Variants in GPR108 observed in about 807,000 individuals in gnomAD.
The protein encoded by GPR108 is G protein-coupled receptor 108.
A neutral mutation model predicts 74.3 loss-of-function variants in GPR108; 60 were observed. That is an observed-to-expected ratio of 0.81 (90% confidence interval 0.66 to 1.00). The LOEUF (loss-of-function observed/expected upper bound fraction) is 1.00. Ranked by LOEUF, GPR108 falls within the 50% of genes least tolerant of loss-of-function variation. GPR108 has a pLI of 0.00. For missense variants in GPR108, 667 were observed against 703.3 expected (o/e 0.95, Z 0.58); for synonymous variants, 311 against 292.4 (o/e 1.06, Z -0.65).
In GPR108 at chr19:6,734,226, C is replaced by T; in HGVS notation, c.456G>A (p.Gly152=). 1.9e-6 allele frequency: 3 copies of T among 1,614,182 alleles called. No homozygotes were observed. The highest frequency in any genetic ancestry group is 2.5e-6 in the Non-Finnish European group (3 of 1,180,032). The change falls in exon 5 of 18, where the codon GGG becomes GGA. Residue 152 remains glycine (G), a synonymous_variant. Coordinates refer to ENST00000264080, the MANE Select transcript of GPR108 (RefSeq NM_001080452.2). ...GGACTGTGGCCTGTGGCTTCGGGAG[C>T]CCTGGTTTGGAGGGTGCTTCCGGGA... ...GLLPEAPSKP[G]LPKPQATVPR...
chr19:6,732,047 C>A lies in GPR108; in HGVS notation c.1234G>T (p.Ala412Ser), dbSNP rs1438658117. The change falls in exon 13 of 18, where the codon GCC becomes TCC. Residue 412 changes from alanine to serine, a missense_variant. Physicochemically the swap from Ala to Ser is moderately conservative, Grantham distance 99. Coordinates refer to ENST00000264080, the MANE Select transcript of GPR108 (RefSeq NM_001080452.2). Reference protein sequence around the residue: ...LFLVDLICCGAILFPVVWSIR... With the variant: ...LFLVDLICCGSILFPVVWSIR... ...CACCAGACTACGGGGAACAGGATGG[C>A]ACCACAGCAGATGAGGTCCACCAGG... 1.9e-6 allele frequency: 3 copies of A among 1,613,960 alleles called. No individual in the cohort carries two copies. In the South Asian group the frequency reaches 3.3e-5, roughly 18 times the overall value.
chr19:6,737,400 G>A (rs1184779853), intron 1 of GPR108, 57 bp downstream of exon 1: 39 of 1,556,148 alleles, frequency 2.5e-5, no homozygotes, highest in Non-Finnish European at 3.1e-5. Flanking sequence ...AAGCCAGGGG[G>A]CTTCTCCGAG....
At chr19:6,732,833 G>A in intron 10 of GPR108, 154 bp downstream of exon 10, 1 of 688,122 alleles carries the variant, frequency 1.5e-6, no homozygotes, top group South Asian at 1.7e-5. Flanking sequence ...GTGGACAGAG[G>A]GGATGGGTGA....
Position 6,731,235 on chromosome 19 carries a change from C to G in GPR108, c.1398G>C (p.Gln466His). ...ACTGCCACTGAAAGGGCACAGCCAC[C>G]TGCAGCAGGATGGCGATGATGCGGG... Reference protein sequence around the residue: ...YFTRIIAILLQVAVPFQWQWL... With the variant: ...YFTRIIAILLHVAVPFQWQWL... The change falls in exon 16 of 18, where the codon CAG (glutamine) becomes CAC (histidine). Residue 466 changes from glutamine to histidine, a missense_variant. Physicochemically the swap from Gln to His is conservative, Grantham distance 24 (BLOSUM62 0). Coordinates refer to ENST00000264080, the MANE Select transcript of GPR108 (RefSeq NM_001080452.2). 2 of 1,566,538 alleles carry G rather than the reference C, an allele frequency of 1.3e-6. No individual in the cohort carries two copies. The highest frequency in any genetic ancestry group is 1.7e-6 in the Non-Finnish European group (2 of 1,153,738).
rs756064768 is a variant in GPR108, at chr19:6,731,538, G to C, written c.1301-16C>G. ...TTCACTGCCACTGAGGGTGGGCACA[G>C]AGAGGGCGGTCAGGGGAGACTGAGG... On this transcript the variant is annotated splice_polypyrimidine_tract_variant and intron_variant, in intron 14 of 17. Transcript: ENST00000264080. The C allele has an allele frequency of 6.7e-7, 1 of 1,488,582 alleles. No individual in the cohort carries two copies. Among genetic ancestry groups the C allele is most frequent in the Admixed American group, 2.4e-5 (1 of 41,566 alleles). The allele number at this position is 1,488,582 out of a possible 1,614,324, so 92.2% of individuals were successfully genotyped here. A position where few individuals can be genotyped will look rare whatever the true frequency, so the allele number is the denominator to read the frequency against.
chr19:6,732,124 T>C lies in GPR108; in HGVS notation c.1157A>G (p.Glu386Gly). Residue 386 changes from glutamate to glycine, a missense_variant, in exon 13 of 18, where the codon GAG becomes GGG. Coordinates refer to ENST00000264080, the MANE Select transcript of GPR108 (RefSeq NM_001080452.2). ...GTCGCTGGCGCCTTCCTCGCGGGAC[T>C]CGATGATGATGTAGGCCACGTTGGC... is the stretch of plus-strand genomic sequence containing the variant. Reference protein sequence around the residue: ...VLANVAYIIIESREEGASDYV... With the variant: ...VLANVAYIIIGSREEGASDYV... 1 of 1,613,758 alleles carries C rather than the reference T, an allele frequency of 6.2e-7. No individual in the cohort carries two copies. Among genetic ancestry groups the C allele is most frequent in the Non-Finnish European group, 8.5e-7 (1 of 1,179,984 alleles).
chr19:6,732,160 G>A lies in GPR108; in HGVS notation c.1126-5C>T, dbSNP rs1302041903. ...GTAGGCCACGTTGGCCAGGACCTGCGCAGGCGGCGGGGGTGGGTGGGCACT... is the reference window on the plus strand; with the variant it reads ...GTAGGCCACGTTGGCCAGGACCTGCACAGGCGGCGGGGGTGGGTGGGCACT... On this transcript the variant is annotated splice_region_variant and splice_polypyrimidine_tract_variant and intron_variant, in intron 12 of 17. Transcript: ENST00000264080. 5 of 1,613,386 alleles carry A rather than the reference G, an allele frequency of 3.1e-6. No individual in the cohort carries two copies. The highest frequency in any genetic ancestry group is 2.2e-5 in the South Asian group (2 of 91,076).
At position 6,736,634 on chromosome 19, in the gene GPR108, G is replaced by A; in HGVS notation, c.198C>T (p.Val66=). Reference sequence around the variant, plus strand: ...CTGCCTCCCGGAGGCCCAGCCGCAGGACGCTCAACTCCACCTCCAGAGAGC... The same window carrying A: ...CTGCCTCCCGGAGGCCCAGCCGCAGAACGCTCAACTCCACCTCCAGAGAGC... ...TNGSLEVELS[V]LRLGLREAEE... is the part of the protein sequence containing the mutation. The change falls in exon 2 of 18, where the codon GTC becomes GTT. Residue 66 remains valine, a synonymous_variant. Coordinates refer to ENST00000264080, the MANE Select transcript of GPR108 (RefSeq NM_001080452.2). 6.2e-7 allele frequency: 1 copy of A among 1,614,086 alleles called. No homozygotes were observed. The highest frequency in any genetic ancestry group is 1.3e-5 in the African/African-American group (1 of 75,038).
rs746951786 is a variant in GPR108 at position 6,734,338 on chromosome 19, T to TG, written c.375-32dup. 1.8e-5 allele frequency: 29 copies of TG among 1,604,632 alleles called. No homozygotes were observed. In the East Asian group the frequency reaches 2.0e-4, roughly 11 times the overall value. On this transcript the variant is annotated intron_variant, in intron 4 of 17. Coordinates refer to ENST00000264080, the MANE Select transcript of GPR108 (RefSeq NM_001080452.2). The stretch of plus-strand genomic sequence containing the variant: ...GTGAGGGTGGGGTGGGGCATGAGGC[T>TG]GGGGGGCTGAACTTGGCTCAGGCAC...
Position 6,733,991 on chromosome 19 carries a change from C to T in GPR108, c.549+14G>A, listed in dbSNP as rs202106126. 7.0e-5 allele frequency: 113 copies of T among 1,614,124 alleles called. No homozygotes were observed. The East Asian group carries it at 8.2e-4, about 12-fold the overall frequency. On this transcript the variant is annotated intron_variant, in intron 6 of 17. Transcript: ENST00000264080. ...GGGGTGTGCATCTTCCCTCCTGCCC[C>T]GCCTCCCCGAAACCTGAATCACTGC...
chr19:6,735,369 C>G (rs759843907), intron 4 of GPR108: 1 of 458,656 alleles, frequency 2.2e-6, no homozygotes, highest in Non-Finnish European at 3.9e-6. Flanking sequence ...CGGAAGCACT[C>G]AACATGTGCG....
In GPR108 at chr19:6,731,211, C is replaced by T. The variant is rs776464891; in HGVS notation, c.1422G>A (p.Gln474=). The part of the protein sequence containing the change: ...LLQVAVPFQW[Q]WLYQLLVEGS... ...GCCTCGGGCTCACCTGGTACAGCCA[C>T]TGCCACTGAAAGGGCACAGCCACCT... Residue 474 remains glutamine (Q), a synonymous_variant, in exon 16 of 18, where the codon CAG becomes CAA. Transcript: ENST00000264080. The T allele has an allele frequency of 3.8e-6, 6 of 1,580,750 alleles. No individual in the cohort carries two copies. The African/African-American group carries it at 8.1e-5, about 21-fold the overall frequency.
At position 6,732,881 on chromosome 19, in the gene GPR108, C is replaced by A. The variant is rs183046358; in HGVS notation, c.933+106G>T. 1,785 of 978,954 alleles carry A rather than the reference C, an allele frequency of 1.8e-3. 16 individuals are homozygous for A. The African/African-American group carries it at 0.025, about 14-fold the overall frequency. 60.6% of individuals were successfully genotyped at this position (978,954 alleles called of 1,614,324 possible). ...GTAAAATGGGTGGACACGTGGATAG[C>A]TGGCGGATGGCCCTCCCACAGGCCC... On this transcript the variant is annotated intron_variant, in intron 10 of 17. Transcript: ENST00000264080.
chr19:6,731,432 G>C, intron 15 of GPR108, 41 bp downstream of exon 15: 2 of 1,517,302 alleles, frequency 1.3e-6, no homozygotes, highest in Non-Finnish European at 1.8e-6. Context: ...CAGCAGGCCG[G>C]TAATCCCCCC....
At chr19:6,730,764 G>A (rs1332686860) in intron 17 of GPR108, among the ~76,000 whole-genome samples, 4 of 108,960 alleles carry the variant, frequency 3.7e-5, no homozygotes, top group Non-Finnish European at 5.4e-5. Flanking sequence ...CCCACCCCTA[G>A]CTCAGCCTGG....
At position 6,731,187 on chromosome 19, in the gene GPR108, C is replaced by A. The variant is rs1469021067; in HGVS notation, c.1434+12G>T. On this transcript the variant is annotated intron_variant, in intron 16 of 17. Transcript: ENST00000264080. The stretch of plus-strand genomic sequence containing the variant: ...TGGCCGCCCTCCCGTCCCACCTGGG[C>A]CTCGGGCTCACCTGGTACAGCCACT... 6.3e-7 allele frequency: 1 copy of A among 1,599,558 alleles called. No individual in the cohort carries two copies. The highest frequency in any genetic ancestry group is 1.3e-5 in the African/African-American group (1 of 74,636).
chr19:6,730,694 C>A, intron 17 of GPR108: 2 of 553,272 alleles, frequency 3.6e-6, no homozygotes, highest in Non-Finnish European at 6.5e-6. Context: ...CCCGAACTAC[C>A]TAGGCCCCGC....
chr19:6,734,096 G>C (rs572485607), intron 5 of GPR108, 42 bp from the exon 6 acceptor site: 4 of 1,614,166 alleles, frequency 2.5e-6, no homozygotes, highest in South Asian at 2.2e-5. Flanking sequence ...TGGATGGATG[G>C]ATAGAGGGGC....
In GPR108 at chr19:6,737,479, C is replaced by A. The variant is rs768355080; in HGVS notation, c.98G>T (p.Arg33Leu). The A allele has an allele frequency of 9.5e-6, 15 of 1,585,910 alleles. No individual in the cohort carries two copies. In the Admixed American group the frequency reaches 2.6e-4, roughly 27 times the overall value. Residue 33 changes from arginine (R) to leucine (L), a missense_variant, in exon 1 of 18, where the codon CGC (arginine) becomes CTC (leucine). Arg to Leu is a moderately radical substitution (Grantham distance 102). Transcript: ENST00000264080. ...LVLLLGGCSG[R>L]IHQLALTGEK... Reference sequence around the variant, plus strand: ...CACCGTCAGCGCCAGCTGGTGGATGCGCCCGGAGCAGCCACCCAGCAGCAG... The same window carrying A: ...CACCGTCAGCGCCAGCTGGTGGATGAGCCCGGAGCAGCCACCCAGCAGCAG...
Sources: allele counts gnomAD v4.1 joint callset (sites outside exome capture counted in the v4.1 genomes callset), GRCh38; gene constraint gnomAD v4.1.1; transcripts MANE v1.5; gene names NCBI Gene and HGNC (gene_info 2026-07-23, HGNC 2026-07-21).